The following XKR9 variants were observed in gnomAD, a reference collection of about 807,000 sequenced individuals.
The protein encoded by XKR9 is XK-related protein 9.
A neutral mutation model predicts 32.0 loss-of-function variants in XKR9; 32 were observed. That is an observed-to-expected ratio of 1.00 (90% CI 0.76 to 1.34). The LOEUF (loss-of-function observed/expected upper bound fraction) is 1.34. Among genes scored for constraint, XKR9 ranks in the 40% most tolerant of loss-of-function variants. The pLI is 0.00. For synonymous variants in XKR9, 168 were observed against 143.4 expected, an observed-to-expected ratio of 1.17 and a Z score of -1.22; for missense variants, 546 against 429.7, an observed-to-expected ratio of 1.27 and a Z score of -2.39.
chr8:70,895,758 G>A, the XKR9 span, among the ~76,000 whole-genome samples: 1 of 147,178 alleles, frequency 6.8e-6, no homozygotes, highest in African/African-American at 2.5e-5. Flanking sequence ...GCCAACGTGG[G>A]CAGATCACTT....
chr8:70,842,658 C>G, the XKR9 span, among the ~76,000 whole-genome samples: 1 of 152,144 alleles, frequency 6.6e-6, no homozygotes, highest in Non-Finnish European at 1.5e-5. Flanking sequence ...AAACCTGGCT[C>G]TCATTATCAT....
At chr8:70,856,074 G>C in the XKR9 span, among the ~76,000 whole-genome samples, 2 of 152,122 alleles carry the variant, frequency 1.3e-5, no homozygotes, top group Non-Finnish European at 2.9e-5. Flanking sequence ...ATCAACTAAT[G>C]AGCAAAATAA....
At chr8:70,741,469 A>T (rs1194798542) in intron 2 of XKR9, among the ~76,000 whole-genome samples, 1 of 152,210 alleles carries the variant, frequency 6.6e-6, no homozygotes, top group African/African-American at 2.4e-5. Context: ...ACAGACTGAG[A>T]CACATGTAAG....
chr8:70,856,683 C>T, the XKR9 span, among the ~76,000 whole-genome samples: 1 of 152,174 alleles, frequency 6.6e-6, no homozygotes, highest in Non-Finnish European at 1.5e-5. Flanking sequence ...CTTTTCAGCA[C>T]CACACCACAA....
chr8:70,841,172 A>G, the XKR9 span, among the ~76,000 whole-genome samples: 11,040 of 152,210 alleles, frequency 0.073, 476 homozygotes, highest in Non-Finnish European at 0.089. Flanking sequence ...TACAATCATA[A>G]CACTATTTTA....
chr8:71,037,058 G>C, the XKR9 span, among the ~76,000 whole-genome samples: 1 of 151,984 alleles, frequency 6.6e-6, no homozygotes. Context: ...ATAATCAAGG[G>C]AGCACCATGT....
At chr8:70,800,197 C>G in the XKR9 span, among the ~76,000 whole-genome samples, 1 of 152,190 alleles carries the variant, frequency 6.6e-6, no homozygotes, top group Non-Finnish European at 1.5e-5. Flanking sequence ...GACCTTGCAT[C>G]CCAGGGATAA....
intron 1 of XKR9, 52 bp downstream of exon 1, chr8:70,669,590 T>C (rs929938458): frequency 3.2e-5 from 6 of 185,164 alleles, no homozygotes; most frequent in African/African-American, 1.5e-4. Flanking sequence ...GATTGCCAGA[T>C]TTTTAGGCAG....
the XKR9 span, among the ~76,000 whole-genome samples, chr8:70,820,151 C>T: frequency 8.5e-5 from 13 of 152,148 alleles, no homozygotes; most frequent in African/African-American, 2.9e-4. Flanking sequence ...AGGTATCCTT[C>T]CTATACCTAG....
At chr8:70,934,162 C>A in the XKR9 span, among the ~76,000 whole-genome samples, 2 of 151,912 alleles carry the variant, frequency 1.3e-5, no homozygotes, top group South Asian at 2.1e-4. Flanking sequence ...ACTCTTAAGA[C>A]CCTTGCCTGG....
the XKR9 span, among the ~76,000 whole-genome samples, chr8:70,834,146 T>A: frequency 3.9e-5 from 6 of 152,032 alleles, no homozygotes; most frequent in Non-Finnish European, 8.8e-5. Flanking sequence ...TTTCTAAGTA[T>A]AGAATATAAT....
At chr8:70,849,580 T>G in the XKR9 span, among the ~76,000 whole-genome samples, 3 of 151,752 alleles carry the variant, frequency 2.0e-5, no homozygotes, top group Admixed American at 6.6e-5. Context: ...GCAAACAAAT[T>G]GAAAAGCTAG....
the XKR9 span, among the ~76,000 whole-genome samples, chr8:70,909,141 C>T: frequency 6.6e-6 from 1 of 152,142 alleles, no homozygotes; most frequent in South Asian, 2.1e-4. Flanking sequence ...CAATCTTCTA[C>T]ACTGCCACAT....
the XKR9 span, among the ~76,000 whole-genome samples, chr8:70,832,617 A>G: frequency 2.0e-5 from 3 of 152,318 alleles, no homozygotes; most frequent in African/African-American, 7.2e-5. Context: ...GAATATTCTT[A>G]TTAATATTAC....
At chr8:70,875,853 A>G in the XKR9 span, among the ~76,000 whole-genome samples, 4 of 152,236 alleles carry the variant, frequency 2.6e-5, no homozygotes, top group African/African-American at 4.8e-5. Context: ...AAACCAAACC[A>G]TAATTGAATT....
chr8:70,686,431 A>G (rs1337407128), intron 3 of XKR9, among the ~76,000 whole-genome samples: 3 of 132,198 alleles, frequency 2.3e-5, no homozygotes, highest in South Asian at 2.4e-4. Flanking sequence ...ATATATATAT[A>G]TTTGGTAGAG....
chr8:70,820,219 C>T, the XKR9 span, among the ~76,000 whole-genome samples: 1 of 152,132 alleles, frequency 6.6e-6, no homozygotes, highest in African/African-American at 2.4e-5. Context: ...GAATCTGAAC[C>T]TATAGGCCTT....
At chr8:70,967,305 G>A in the XKR9 span, among the ~76,000 whole-genome samples, 1 of 151,946 alleles carries the variant, frequency 6.6e-6, no homozygotes, top group African/African-American at 2.4e-5. Flanking sequence ...TCCTGACCTC[G>A]TGATTCGCCC....
At chr8:70,940,490 A>G in the XKR9 span, among the ~76,000 whole-genome samples, 1 of 152,096 alleles carries the variant, frequency 6.6e-6, no homozygotes, top group Non-Finnish European at 1.5e-5. Flanking sequence ...TCTCATATGC[A>G]AGACAGGGTT....
Sources: allele counts gnomAD v4.1 joint callset (sites outside exome capture counted in the v4.1 genomes callset), GRCh38; gene constraint gnomAD v4.1.1; transcripts MANE v1.5; gene names NCBI Gene and HGNC (gene_info 2026-07-23, HGNC 2026-07-21).